The following EFTUD2 variants were observed in gnomAD, a reference collection of about 807,000 sequenced individuals.
EFTUD2 encodes 116 kDa U5 small nuclear ribonucleoprotein component.
In EFTUD2, 9 loss-of-function variants were observed where a neutral mutation model predicts 114.3. That is an observed-to-expected ratio of 0.08 (90% confidence interval 0.05 to 0.14). EFTUD2 has a LOEUF of 0.14. EFTUD2 is among the 10% of genes least tolerant of loss of function. The probability of loss-of-function intolerance (pLI) is 1.00; values close to 1 mark genes in which losing one functional copy is unlikely to be tolerated. For missense variants in EFTUD2, 765 were observed against 1,241.2 expected (o/e 0.62, Z 5.76); for synonymous variants, 449 against 462.3 (o/e 0.97, Z 0.37).
At chr17:44,860,595 A>ATTTT (rs34404174) in intron 16 of EFTUD2, 52 bp from the exon 17 acceptor site, 196 of 671,912 alleles carry the variant, frequency 2.9e-4, no homozygotes, top group East Asian at 3.4e-4. Flanking sequence ...GCATTCCCTA[A>ATTTT]TTTTTTTTTT....
intron 2 of EFTUD2, chr17:44,894,160 G>A: frequency 2.8e-6 from 1 of 361,282 alleles, no homozygotes; most frequent in Non-Finnish European, 5.1e-6. Flanking sequence ...TGGACTGCTC[G>A]AGCTCAGGAG....
intron 25 of EFTUD2, 144 bp from the exon 26 acceptor site, chr17:44,852,706 C>T (rs2050476989): frequency 9.3e-7 from 1 of 1,079,584 alleles, no homozygotes; most frequent in Non-Finnish European, 1.3e-6. Flanking sequence ...CTACAAAAAG[C>T]AGAAAAGGCT....
In EFTUD2 at chr17:44,854,107, TAAGG is replaced by T. The variant is rs748345089; in HGVS notation, c.2347+158_2347+161del. On this transcript the variant is annotated intron_variant, in intron 23 of 27. Transcript: ENST00000426333. The surrounding 1 kb of genome is among the most constrained non-coding windows in gnomAD (Gnocchi z 4.3). ...CCATTTCCAGGCTACACCACCAGGA[TAAGG>T]AAGGAAAAGGGAAGAAGCTGGCCCA... 6.9e-6 allele frequency: 10 copies of T among 1,439,560 alleles called. No homozygotes were observed. Among genetic ancestry groups the T allele is most frequent in the Admixed American group, 2.6e-5 (1 of 37,764 alleles). 89.2% of individuals were successfully genotyped at this position (1,439,560 alleles called of 1,614,324 possible).
chr17:44,871,968 C>A (rs1018242923), intron 11 of EFTUD2, among the ~76,000 whole-genome samples: 48 of 152,152 alleles, frequency 3.2e-4, no homozygotes, highest in African/African-American at 1.1e-3. Context: ...TGTTGAGGCT[C>A]CAGGAACCCA....
In EFTUD2 at chr17:44,850,426, TC is replaced by T. The variant is rs1403192746; in HGVS notation, c.*847del. 16 of 1,523,634 alleles carry T rather than the reference TC, an allele frequency of 1.1e-5. No homozygotes were observed. The African/African-American group carries it at 2.0e-4, about 20-fold the overall frequency. 94.4% of individuals were successfully genotyped at this position (1,523,634 alleles called of 1,614,324 possible). A position where few individuals can be genotyped will look rare whatever the true frequency, so the allele number is the denominator to read the frequency against. ...CCTATAGGAGCCGGGGCTGTCCAAC[TC>T]CCCTAACTCAATCCCTGGTACATTC... is the stretch of plus-strand genomic sequence containing the variant. On this transcript the variant is annotated 3_prime_UTR_variant, in exon 28 of 28. Coordinates refer to ENST00000426333, the MANE Select transcript of EFTUD2 (RefSeq NM_004247.4).
chr17:44,870,237 A>G (rs953688870), intron 11 of EFTUD2, among the ~76,000 whole-genome samples: 4 of 152,246 alleles, frequency 2.6e-5, no homozygotes, highest in Non-Finnish European at 4.4e-5. Flanking sequence ...ATCATTTTCA[A>G]TCAAAATTGG....
At chr17:44,876,744 T>C (rs1039428835) in intron 9 of EFTUD2, among the ~76,000 whole-genome samples, 2 of 148,790 alleles carry the variant, frequency 1.3e-5, no homozygotes, top group African/African-American at 5.0e-5. Flanking sequence ...TCCCAGCTAC[T>C]TGGGAGGCTG....
intron 5 of EFTUD2, 75 bp from the exon 6 acceptor site, chr17:44,883,233 A>C: frequency 7.3e-7 from 1 of 1,364,070 alleles, no homozygotes; most frequent in Non-Finnish European, 1.0e-6. Flanking sequence ...AGCTCCCAAT[A>C]CACCACATAA....
chr17:44,881,807 C>T, intron 6 of EFTUD2, 85 bp from the exon 7 acceptor site: 1 of 1,296,316 alleles, frequency 7.7e-7, no homozygotes, highest in South Asian at 1.2e-5. Context: ...CTCACTACCT[C>T]CCAGCTCAAG....
chr17:44,850,260 A>G lies in EFTUD2; in HGVS notation c.*1014T>C, dbSNP rs2231647. On this transcript the variant is annotated 3_prime_UTR_variant, in exon 28 of 28. Coordinates refer to ENST00000426333, the MANE Select transcript of EFTUD2 (RefSeq NM_004247.4). ...AGGGAGCAGCTAGAGGTGAACCCCT[A>G]GGACGCCTGAGAGCCAGAGGACGGG... 785,088 of 1,243,814 alleles carry G rather than the reference A, an allele frequency of 0.63. 251,235 individuals carry two copies. The highest frequency in any genetic ancestry group is 0.87 in the African/African-American group (60,067 of 68,922). The allele number at this position is 1,243,814 out of a possible 1,614,324, so 77.0% of individuals were successfully genotyped here. A position where few individuals can be genotyped will look rare whatever the true frequency, so the allele number is the denominator to read the frequency against.
At position 44,875,801 on chromosome 17, in the gene EFTUD2, G is replaced by T. The variant is rs1422493365; in HGVS notation, c.869+133C>A. On this transcript the variant is annotated intron_variant, in intron 10 of 27. Transcript: ENST00000426333. ...GAAGTCAACCCCTGCAGAGTCCCAG[G>T]ATGTGCCTCTAGTTTTGCCCAACAA... 2.0e-6 allele frequency: 2 copies of T among 1,024,514 alleles called. 1 individual carries two copies. The highest frequency in any genetic ancestry group is 2.9e-6 in the Non-Finnish European group (2 of 684,032). The allele number at this position is 1,024,514 out of a possible 1,614,324, so 63.5% of individuals were successfully genotyped here.
At chr17:44,861,904 T>G (rs2050667580) in intron 16 of EFTUD2, among the ~76,000 whole-genome samples, 1 of 152,132 alleles carries the variant, frequency 6.6e-6, no homozygotes, top group African/African-American at 2.4e-5. Context: ...ATTCATAAAC[T>G]GACAAGTAGC....
At chr17:44,852,680 A>G (rs997287353) in intron 25 of EFTUD2, 118 bp from the exon 26 acceptor site, 10 of 1,251,060 alleles carry the variant, frequency 8.0e-6, no homozygotes, top group Non-Finnish European at 1.1e-5. Flanking sequence ...TCAAAGAAAG[A>G]GTAACCAAGA....
chr17:44,896,118 T>G (rs2051379639), intron 1 of EFTUD2: 1 of 152,232 alleles, frequency 6.6e-6, no homozygotes, highest in Non-Finnish European at 1.5e-5. Context: ...AACGTTAACT[T>G]TGATCACTTC....
chr17:44,883,870 T>C, intron 4 of EFTUD2, 146 bp from the exon 5 acceptor site: 1 of 689,894 alleles, frequency 1.4e-6, no homozygotes, highest in Admixed American at 2.2e-5. Context: ...TGTCTATACT[T>C]ACATAGCTCT....
chr17:44,861,394 G>A (rs930609227), intron 16 of EFTUD2, among the ~76,000 whole-genome samples: 14 of 142,382 alleles, frequency 9.8e-5, no homozygotes, highest in Non-Finnish European at 2.1e-4. Context: ...GCAGTGAGCC[G>A]CAATCACGCC....
intron 18 of EFTUD2, chr17:44,859,628 G>A (rs1026272484): frequency 6.8e-5 from 37 of 545,518 alleles, no homozygotes; most frequent in Admixed American, 6.2e-4. Context: ...AGACATCTGC[G>A]GAACACAAAT....
Position 44,859,950 on chromosome 17 carries a change from A to G in EFTUD2, c.1815T>C (p.Asp605=). ...VNPSELPKML[D]GLRKVNKSYP... is the part of the protein sequence containing the mutation. ...AGCTCTTGTTGACCTTGCGCAGGCCATCAAGCATCTTGGGCAGCTCTGAGG... is the reference window on the plus strand; with the variant it reads ...AGCTCTTGTTGACCTTGCGCAGGCCGTCAAGCATCTTGGGCAGCTCTGAGG... The change falls in exon 18 of 28, where the codon GAT becomes GAC. Residue 605 remains aspartate (D), a synonymous_variant. Coordinates refer to ENST00000426333, the MANE Select transcript of EFTUD2 (RefSeq NM_004247.4). 1 of 1,614,204 alleles carries G rather than the reference A, an allele frequency of 6.2e-7. No individual in the cohort carries two copies. The highest frequency in any genetic ancestry group is 8.5e-7 in the Non-Finnish European group (1 of 1,180,044).
In EFTUD2 at chr17:44,850,276, A is replaced by C; in HGVS notation, c.*998T>G. 6.9e-7 allele frequency: 1 copy of C among 1,452,290 alleles called. No individual in the cohort carries two copies. The highest frequency in any genetic ancestry group is 9.5e-7 in the Non-Finnish European group (1 of 1,048,382). 90.0% of individuals were successfully genotyped at this position (1,452,290 alleles called of 1,614,324 possible). On this transcript the variant is annotated 3_prime_UTR_variant, in exon 28 of 28. Transcript: ENST00000426333. ...TGAACCCCTAGGACGCCTGAGAGCC[A>C]GAGGACGGGTGAAGGGTTTGATGCC...
Sources: gnomAD v4.1 joint callset for allele counts (sites outside exome capture counted in the v4.1 genomes callset) on GRCh38, gnomAD v4.1.1 for gene constraint, Gnocchi (gnomAD v3.1) non-coding constraint, MANE v1.5 for transcripts, NCBI Gene and HGNC (gene_info 2026-07-23, HGNC 2026-07-21) for gene names.